Variants in HIVEP3 observed in about 807,000 individuals in gnomAD.
HIVEP3 encodes the protein transcription factor HIVEP3.
Under a neutral mutation model 152.8 loss-of-function variants are expected in HIVEP3, and 49 were observed. The observed-to-expected ratio is 0.32, with a 90% CI of 0.26 to 0.41. HIVEP3 has a LOEUF of 0.41. Ranked by LOEUF, HIVEP3 falls within the 10% of genes least tolerant of loss-of-function variation. HIVEP3 has a pLI of 1.00. For missense variants in HIVEP3, 2,790 were observed against 3,103.3 expected (o/e 0.90, Z 2.40); for synonymous variants, 1,269 against 1,289.0 (o/e 0.98, Z 0.33).
At chr1:41,577,890 G>A (rs557374598) in intron 4 of HIVEP3, among the ~76,000 whole-genome samples, 2 of 152,194 alleles carry the variant, frequency 1.3e-5, no homozygotes, top group South Asian at 4.1e-4. Flanking sequence ...TTATACTAAT[G>A]TACCAGATTG....
intron 1 of HIVEP3, among the ~76,000 whole-genome samples, chr1:41,892,676 C>A (rs11210541): frequency 0.05 from 7,680 of 152,222 alleles, 596 homozygotes; most frequent in African/African-American, 0.17. Flanking sequence ...AATCAACCAG[C>A]TGTGCCTCCA....
chr1:41,722,576 C>G (rs1160749387), intron 1 of HIVEP3, among the ~76,000 whole-genome samples: 2 of 147,690 alleles, frequency 1.4e-5, no homozygotes, highest in Admixed American at 1.4e-4. Context: ...CTTCTGCCTG[C>G]CTTTCTTCCC....
At chr1:41,625,162 C>CAAAAAAA (rs59268661) in intron 3 of HIVEP3, among the ~76,000 whole-genome samples, 58 of 71,276 alleles carry the variant, frequency 8.1e-4, no homozygotes, top group Non-Finnish European at 1.1e-3. Context: ...GATTCCAACT[C>CAAAAAAA]AAAAAAAAAA....
At chr1:41,889,294 T>A (rs569695605) in intron 1 of HIVEP3, among the ~76,000 whole-genome samples, 2 of 152,138 alleles carry the variant, frequency 1.3e-5, no homozygotes, top group Admixed American at 1.3e-4. Flanking sequence ...GTGCTTTGCA[T>A]TCCAAGTCTT....
chr1:41,956,608 G>T (rs1330145416), intron 1 of HIVEP3, among the ~76,000 whole-genome samples: 1 of 152,198 alleles, frequency 6.6e-6, no homozygotes, highest in African/African-American at 2.4e-5. Flanking sequence ...TTGTGTTGAT[G>T]CTTGAAGAGG....
chr1:41,803,601 C>G (rs1650428226), intron 1 of HIVEP3, among the ~76,000 whole-genome samples: 1 of 152,222 alleles, frequency 6.6e-6, no homozygotes, highest in South Asian at 2.1e-4. Flanking sequence ...CCAGAGGCCC[C>G]ACTGGGCCAC....
At chr1:41,693,910 A>T (rs939915505) in intron 2 of HIVEP3, among the ~76,000 whole-genome samples, 3 of 152,110 alleles carry the variant, frequency 2.0e-5, no homozygotes, top group Admixed American at 6.5e-5. Context: ...TTTCATCTCT[A>T]ATTATCAATG....
intron 1 of HIVEP3, among the ~76,000 whole-genome samples, chr1:41,806,979 G>A (rs1344189026): frequency 6.6e-6 from 1 of 151,780 alleles, no homozygotes; most frequent in Non-Finnish European, 1.5e-5. Flanking sequence ...GGGTCATCGA[G>A]TAAGCAGTGG....
chr1:41,957,554 T>C (rs996490035), intron 1 of HIVEP3, among the ~76,000 whole-genome samples: 6 of 152,174 alleles, frequency 3.9e-5, no homozygotes, highest in African/African-American at 1.4e-4. Flanking sequence ...AACATCATCA[T>C]GCAAGGACAA....
At chr1:41,789,093 G>A (rs1298407179) in intron 1 of HIVEP3, among the ~76,000 whole-genome samples, 1 of 152,186 alleles carries the variant, frequency 6.6e-6, no homozygotes, top group African/African-American at 2.4e-5. Context: ...CTTGGACACC[G>A]CTGTCTTCCC....
rs1558013795 is a variant in HIVEP3 at position 41,511,245 on chromosome 1, G to A, written c.6427C>T (p.Pro2143Ser). 6.2e-7 allele frequency: 1 copy of A among 1,608,304 alleles called. No homozygotes were observed. The highest frequency in any genetic ancestry group is 2.2e-5 in the East Asian group (1 of 44,788). The change falls in exon 9 of 9, where the codon CCC becomes TCC. Residue 2143 changes from proline (P) to serine (S), a missense_variant. Pro to Ser is a moderately conservative substitution (Grantham distance 74). Coordinates refer to ENST00000372583, the MANE Select transcript of HIVEP3 (RefSeq NM_024503.5). The surrounding 1 kb of genome is among the most constrained non-coding windows in gnomAD (Gnocchi z 4.9). ...SPWQKAESRS[P>S]SCSPGPAHPL... Reference sequence around the variant, plus strand: ...TGAGCAGGGCCGGGTGAGCAGGAGGGACTTCGGGACTCGGCCTTCTGCTGG... The same window carrying A: ...TGAGCAGGGCCGGGTGAGCAGGAGGAACTTCGGGACTCGGCCTTCTGCTGG...
Position 41,580,706 on chromosome 1 carries a change from C to G in HIVEP3, c.4092G>C (p.Lys1364Asn). The change falls in exon 4 of 9, where the codon AAG (lysine) becomes AAC (asparagine). Residue 1364 changes from lysine (K) to asparagine (N), a missense_variant. Physicochemically the swap from Lys to Asn is moderately conservative, Grantham distance 94. Coordinates refer to ENST00000372583, the MANE Select transcript of HIVEP3 (RefSeq NM_024503.5). ...CATCTGCACCACATACAGTCGTCCC[C>G]TTTGATGGGGGTTCCTCAAACTTGG... ...ALPKFEEPPS[K>N]GTTVCGADVH... 1 of 1,599,494 alleles carries G rather than the reference C, an allele frequency of 6.3e-7. No homozygotes were observed. The highest frequency in any genetic ancestry group is 8.5e-7 in the Non-Finnish European group (1 of 1,172,576).
At chr1:41,615,869 G>A (rs1226986394) in intron 3 of HIVEP3, among the ~76,000 whole-genome samples, 2 of 106,532 alleles carry the variant, frequency 1.9e-5, no homozygotes, top group Non-Finnish European at 3.5e-5. Context: ...GTTCACTAGT[G>A]TTATATTATC....
At chr1:41,693,525 C>G (rs1646227851) in intron 2 of HIVEP3, among the ~76,000 whole-genome samples, 1 of 152,186 alleles carries the variant, frequency 6.6e-6, no homozygotes, top group Non-Finnish European at 1.5e-5. Flanking sequence ...TCTAATACTT[C>G]ACTTACAAGA....
intron 5 of HIVEP3, among the ~76,000 whole-genome samples, chr1:41,558,324 G>C (rs548520964): frequency 2.0e-5 from 3 of 152,330 alleles, no homozygotes; most frequent in African/African-American, 7.2e-5. Flanking sequence ...CCTAGAACTT[G>C]ATTCCCATCC....
At chr1:41,734,018 T>C (rs1570422315) in intron 1 of HIVEP3, among the ~76,000 whole-genome samples, 1 of 152,144 alleles carries the variant, frequency 6.6e-6, no homozygotes, top group East Asian at 1.9e-4. Flanking sequence ...CTGGCTGCTG[T>C]GCAAGGTGCA....
chr1:41,993,094 G>A (rs1252533488), intron 1 of HIVEP3, among the ~76,000 whole-genome samples: 2 of 150,952 alleles, frequency 1.3e-5, no homozygotes, highest in Admixed American at 1.3e-4. Context: ...CATGGGCAAG[G>A]ACTTCATGTC....
At chr1:41,988,414 G>A (rs1400363066) in intron 1 of HIVEP3, among the ~76,000 whole-genome samples, 1 of 152,188 alleles carries the variant, frequency 6.6e-6, no homozygotes, top group Admixed American at 6.5e-5. Context: ...CAAAGGATCT[G>A]AAAAGGCATT....
chr1:41,722,647 A>G (rs1031465710), intron 1 of HIVEP3, among the ~76,000 whole-genome samples: 1 of 151,444 alleles, frequency 6.6e-6, no homozygotes, highest in African/African-American at 2.4e-5. Context: ...ATGCAGCAGG[A>G]CAGTCTCTAT....
Sources: allele counts gnomAD v4.1 joint callset (sites outside exome capture counted in the v4.1 genomes callset), GRCh38; gene constraint gnomAD v4.1.1; non-coding constraint Gnocchi (gnomAD v3.1); transcripts MANE v1.5; gene names NCBI Gene and HGNC (gene_info 2026-07-23, HGNC 2026-07-21).